Variants in LARP1B observed in about 807,000 individuals in gnomAD.
LARP1B encodes La ribonucleoprotein 1B.
In LARP1B, 76 loss-of-function variants were observed where a neutral mutation model predicts 114.2. The ratio of observed to expected loss-of-function variants is 0.67; its 90% CI spans 0.55 to 0.81. LARP1B has a LOEUF of 0.81. Among genes scored for constraint, LARP1B ranks in the 30% least tolerant of loss-of-function variants. The pLI is 0.00. For missense variants in LARP1B, 1,014 were observed against 1,075.8 expected (o/e 0.94, Z 0.80); for synonymous variants, 345 against 348.0 (o/e 0.99, Z 0.10).
intron 1 of LARP1B, chr4:128,069,582 A>G (rs1764393973): frequency 2.8e-6 from 2 of 724,538 alleles, no homozygotes; most frequent in East Asian, 2.5e-5. Context: ...CATTTTCTCC[A>G]TAGCTCCTGG....
intron 8 of LARP1B, among the ~76,000 whole-genome samples, chr4:128,104,946 A>G (rs1781542946): frequency 6.6e-6 from 1 of 152,184 alleles, no homozygotes; most frequent in South Asian, 2.1e-4. Flanking sequence ...AAAGTATCAA[A>G]CCAATCAAAA....
At chr4:128,109,193 T>C (rs1200787150) in intron 9 of LARP1B, among the ~76,000 whole-genome samples, 1 of 152,116 alleles carries the variant, frequency 6.6e-6, no homozygotes, top group Non-Finnish European at 1.5e-5. Flanking sequence ...TTTAAGTCAA[T>C]GGAGAGTAGT....
At position 128,199,579 on chromosome 4, in the gene LARP1B, A is replaced by G; in HGVS notation, c.2144A>G (p.Tyr715Cys). ...NGFTQQVYHK[Y>C]RRRCLSERKR... ...TTTACCCAACAAGTGTACCACAAGT[A>G]TCGTCGAAGATGCCTAAGTGGTAAG... The change falls in exon 16 of 20, where the codon TAT (tyrosine) becomes TGT (cysteine). Residue 715 changes from tyrosine (Y) to cysteine (C), a missense_variant. By Grantham distance (194) the Tyr-to-Cys change is radical (BLOSUM62 -2). Coordinates refer to ENST00000326639, the MANE Select transcript of LARP1B (RefSeq NM_018078.4). 2 of 1,567,084 alleles carry G rather than the reference A, an allele frequency of 1.3e-6. No homozygotes were observed. The highest frequency in any genetic ancestry group is 2.5e-5 in the South Asian group (2 of 79,604).
chr4:128,116,260 G>A (rs1785784716), intron 10 of LARP1B, among the ~76,000 whole-genome samples: 1 of 152,126 alleles, frequency 6.6e-6, no homozygotes, highest in Non-Finnish European at 1.5e-5. Context: ...AGTAAAACTG[G>A]GGAAGTATAA....
chr4:128,173,691 T>C (rs1581271409), intron 12 of LARP1B, among the ~76,000 whole-genome samples: 1 of 152,226 alleles, frequency 6.6e-6, no homozygotes, highest in Non-Finnish European at 1.5e-5. Flanking sequence ...CTGTATCAAC[T>C]TTCTTATTCA....
At chr4:128,214,644 C>T (rs1759401100), downstream of LARP1B, among the ~76,000 whole-genome samples, 2 of 106,864 alleles carry the variant, frequency 1.9e-5, no homozygotes, top group African/African-American at 7.3e-5. Flanking sequence ...CCCATCTGTA[C>T]ATCACCATCA....
chr4:128,072,562 ATTTTT>A (rs988857511), intron 1 of LARP1B, among the ~76,000 whole-genome samples: 1 of 144,314 alleles, frequency 6.9e-6, no homozygotes, highest in Non-Finnish European at 1.5e-5. Context: ...CGTATATATA[ATTTTT>A]TTTTTTTTAA....
chr4:128,077,698 A>G (rs540028825), intron 3 of LARP1B, 90 bp from the exon 4 acceptor site: 4 of 1,321,050 alleles, frequency 3.0e-6, no homozygotes, highest in Middle Eastern at 2.8e-4. Context: ...TTTGTTTTGC[A>G]ATTTTAGGTT....
intron 1 of LARP1B, among the ~76,000 whole-genome samples, chr4:128,068,256 G>C (rs6534660): frequency 0.6 from 91,375 of 151,602 alleles, 28,410 homozygotes; most frequent in Middle Eastern, 0.8. Flanking sequence ...GACCTCAGAT[G>C]ATTGACCCAC....
At chr4:128,179,615 C>A (rs1747639296) in intron 15 of LARP1B, 103 bp downstream of exon 15, 3 of 640,396 alleles carry the variant, frequency 4.7e-6, no homozygotes, top group Admixed American at 3.4e-5. Flanking sequence ...AATATGTTAG[C>A]AAATTATAGA....
At chr4:128,064,822 C>T (rs1761775741) in intron 1 of LARP1B, among the ~76,000 whole-genome samples, 1 of 152,008 alleles carries the variant, frequency 6.6e-6, no homozygotes, top group South Asian at 2.1e-4. Flanking sequence ...CAGTTTTGCC[C>T]AGGAGTTTGA....
At chr4:128,176,943 A>G (rs1357852300) in intron 13 of LARP1B, 36 bp downstream of exon 13, 1 of 1,587,370 alleles carries the variant, frequency 6.3e-7, no homozygotes, top group Admixed American at 1.7e-5. Context: ...GGAGGCTATG[A>G]TATCCTTTGC....
intron 1 of LARP1B, among the ~76,000 whole-genome samples, chr4:128,071,495 C>T (rs1158856814): frequency 6.7e-6 from 1 of 149,582 alleles, no homozygotes; most frequent in Non-Finnish European, 1.5e-5. Flanking sequence ...TGTGTCGGCT[C>T]ACTGCAACCT....
chr4:128,095,853 G>A (rs1777748868), intron 7 of LARP1B, among the ~76,000 whole-genome samples: 1 of 152,086 alleles, frequency 6.6e-6, no homozygotes, highest in Non-Finnish European at 1.5e-5. Flanking sequence ...TGGAAATAGT[G>A]TGGGATTATT....
intron 9 of LARP1B, chr4:128,107,990 CA>C (rs1227129023): frequency 4.5e-5 from 69 of 1,525,374 alleles, no homozygotes; most frequent in African/African-American, 9.7e-5. Context: ...AATCCTGCTG[CA>C]AAAATGAAAG....
chr4:128,209,879 A>G lies in LARP1B; in HGVS notation c.2571A>G (p.Gly857=), dbSNP rs1383940839. The change falls in exon 20 of 20, where the codon GGA becomes GGG. Residue 857 remains glycine, a synonymous_variant. Coordinates refer to ENST00000326639, the MANE Select transcript of LARP1B (RefSeq NM_018078.4). ...RVDPPISDEF[G]RKRHSSTSGE... ...AGCCCCCTATTAGTGATGAATTTGG[A>G]AGAAAAAGACATTCCTCTACTTCTG... The G allele has an allele frequency of 3.7e-6, 6 of 1,613,818 alleles. No individual in the cohort carries two copies. The African/African-American group carries it at 6.7e-5, about 18-fold the overall frequency.
intron 12 of LARP1B, among the ~76,000 whole-genome samples, chr4:128,176,017 A>G (rs965121597): frequency 4.0e-5 from 6 of 150,900 alleles, no homozygotes; most frequent in African/African-American, 1.5e-4. Context: ...TTCTTTCACA[A>G]AGGTACTGGA....
chr4:128,103,751 G>A lies in LARP1B; in HGVS notation c.814-3388G>A, dbSNP rs191412308. On this transcript the variant is annotated intron_variant, in intron 8 of 19. Transcript: ENST00000326639. Reference sequence around the variant, plus strand: ...CTAATTTTTGTATTTTAGTAGAGACGGGTTTTTGCCATGTTGGCCAGGCTG... The same window carrying A: ...CTAATTTTTGTATTTTAGTAGAGACAGGTTTTTGCCATGTTGGCCAGGCTG... Among the ~76,000 whole-genome samples the A allele has an allele frequency of 8.6e-4, 130 of 151,870 alleles. No individual in the cohort carries two copies. In the Middle Eastern group the frequency reaches 0.01, roughly 12 times the overall value.
intron 5 of LARP1B, among the ~76,000 whole-genome samples, chr4:128,084,686 T>G (rs1772681417): frequency 6.6e-6 from 1 of 152,088 alleles, no homozygotes; most frequent in Admixed American, 6.6e-5. Flanking sequence ...CATTTTCTTC[T>G]TAGCGAATCA....
Sources: allele counts gnomAD v4.1 joint callset (sites outside exome capture counted in the v4.1 genomes callset), GRCh38; gene constraint gnomAD v4.1.1; transcripts MANE v1.5; gene names NCBI Gene and HGNC (gene_info 2026-07-23, HGNC 2026-07-21).